PXDNL: variants seen among roughly 807,000 people sequenced by gnomAD.
PXDNL encodes probable oxidoreductase PXDNL.
A neutral mutation model predicts 150.8 loss-of-function variants in PXDNL; 145 were observed. That is an observed-to-expected ratio of 0.96 (90% CI 0.84 to 1.10). PXDNL has a LOEUF of 1.10. Among genes scored for constraint, PXDNL ranks in the 50% least tolerant of loss-of-function variants. PXDNL has a pLI of 0.00. For synonymous variants in PXDNL, 757 were observed against 725.7 expected, an observed-to-expected ratio of 1.04 and a Z score of -0.69; for missense variants, 2,087 against 1,873.9, an observed-to-expected ratio of 1.11 and a Z score of -2.10.
At chr8:51,448,587 C>G (rs1383539080) in intron 11 of PXDNL, among the ~76,000 whole-genome samples, 1 of 152,054 alleles carries the variant, frequency 6.6e-6, no homozygotes, top group Non-Finnish European at 1.5e-5. Context: ...CACCTGTAGT[C>G]CCAGCTACAG....
At chr8:51,550,405 C>T (rs1432916907) in intron 4 of PXDNL, among the ~76,000 whole-genome samples, 1 of 151,982 alleles carries the variant, frequency 6.6e-6, no homozygotes, top group African/African-American at 2.4e-5. Context: ...GACCAATGTC[C>T]CTGATGAAAA....
chr8:51,801,551 C>T lies in PXDNL; in HGVS notation c.164+7630G>A, dbSNP rs575252964. Among the ~76,000 whole-genome samples, 12 of 152,276 alleles carry T rather than the reference C, an allele frequency of 7.9e-5. 1 individual carries two copies. In the South Asian group the frequency reaches 2.1e-3, roughly 26 times the overall value. On this transcript the variant is annotated intron_variant, in intron 1 of 22. Coordinates refer to ENST00000356297, the MANE Select transcript of PXDNL (RefSeq NM_144651.5). ...ACCTACTGATATGTGATGTCACCCC[C>T]GGAGGCCCAGCTGTAAAATTCCTCT...
rs777986365 is a variant in PXDNL, at chr8:51,735,526, GTTTTTTTT to G, written c.164+73647_164+73654del. Among the ~76,000 whole-genome samples, 8 of 41,056 alleles carry G rather than the reference GTTTTTTTT, an allele frequency of 1.9e-4. 1 individual carries two copies. The highest frequency in any genetic ancestry group is 1.5e-3 in the East Asian group (4 of 2,722). The allele number at this position is 41,056 out of a possible 152,430, so 26.9% of individuals were successfully genotyped here. A position where few individuals can be genotyped will look rare whatever the true frequency, so the allele number is the denominator to read the frequency against. The stretch of plus-strand genomic sequence containing the variant: ...AAAATTAATTAATTAATTAAAAATT[GTTTTTTTT>G]TTTTTTTTTTTTTTTTTTTTTTTTT... On this transcript the variant is annotated intron_variant, in intron 1 of 22. Transcript: ENST00000356297.
chr8:51,570,583 T>C (rs1448527707), intron 3 of PXDNL, among the ~76,000 whole-genome samples: 1 of 151,936 alleles, frequency 6.6e-6, no homozygotes, highest in Non-Finnish European at 1.5e-5. Flanking sequence ...TTCCTAATAA[T>C]GGCTTCAGCA....
chr8:51,491,575 C>T (rs1810896300), intron 5 of PXDNL, among the ~76,000 whole-genome samples: 1 of 152,178 alleles, frequency 6.6e-6, no homozygotes, highest in African/African-American at 2.4e-5. Flanking sequence ...TAAGAAGTCC[C>T]TTCTATAAAG....
intron 4 of PXDNL, among the ~76,000 whole-genome samples, chr8:51,548,195 T>C (rs1046265269): frequency 6.6e-6 from 1 of 152,040 alleles, no homozygotes; most frequent in Non-Finnish European, 1.5e-5. Context: ...TTTTGGATTA[T>C]GTTAAACAAC....
chr8:51,435,879 A>C (rs1809392781), intron 12 of PXDNL: 5 of 469,756 alleles, frequency 1.1e-5, no homozygotes, highest in Non-Finnish European at 2.1e-5. Flanking sequence ...TAAAGCAGAT[A>C]CTAAAATGGA....
chr8:51,778,171 A>T (rs976018124), intron 1 of PXDNL, among the ~76,000 whole-genome samples: 10 of 150,944 alleles, frequency 6.6e-5, no homozygotes, highest in Admixed American at 2.0e-4. Flanking sequence ...CCCTACTAAA[A>T]ATGAAGCTGA....
intron 4 of PXDNL, among the ~76,000 whole-genome samples, chr8:51,533,011 G>A (rs1239335263): frequency 1.3e-5 from 2 of 152,080 alleles, no homozygotes; most frequent in African/African-American, 4.8e-5. Context: ...AAAAAGTGTG[G>A]CCTCCTGACA....
Position 51,453,605 on chromosome 8 carries a change from AT to A in PXDNL, c.1162del (p.Ile388SerfsTer26), listed in dbSNP as rs1327428354. The A allele has an allele frequency of 6.2e-7, 1 of 1,614,020 alleles. No homozygotes were observed. Among genetic ancestry groups the A allele is most frequent in the South Asian group, 1.1e-5 (1 of 91,082 alleles). On this transcript the variant is annotated frameshift_variant, in exon 10 of 23. Coordinates refer to ENST00000356297, the MANE Select transcript of PXDNL (RefSeq NM_144651.5). LOFTEE classifies it high-confidence loss of function. Reference protein sequence around the residue: ...ATSSGLYLQNITQRDHGRFTC... With the variant: ...ATSSGLYLQNXTQRDHGRFTC... ...AAATCGACCATGATCCCGTTGTGTGATGTTCTGTAAGTAAAGTCCACTGGAC... is the reference window on the plus strand; with the variant it reads ...AAATCGACCATGATCCCGTTGTGTGAGTTCTGTAAGTAAAGTCCACTGGAC...
intron 1 of PXDNL, among the ~76,000 whole-genome samples, chr8:51,774,527 T>C (rs753574021): frequency 6.6e-6 from 1 of 152,078 alleles, no homozygotes; most frequent in South Asian, 2.1e-4. Context: ...CTTAAAAAGG[T>C]AAATTAGGGG....
intron 4 of PXDNL, among the ~76,000 whole-genome samples, chr8:51,531,358 C>A (rs945778990): frequency 2.6e-5 from 4 of 152,198 alleles, no homozygotes; most frequent in Admixed American, 6.5e-5. Flanking sequence ...TCTTATTAAA[C>A]CTGTTCTATT....
At chr8:51,661,279 G>A (rs938277323) in intron 1 of PXDNL, among the ~76,000 whole-genome samples, 2 of 152,126 alleles carry the variant, frequency 1.3e-5, no homozygotes, top group Admixed American at 1.3e-4. Flanking sequence ...GCCATCTTCC[G>A]CTGTTGATTG....
chr8:51,453,114 C>T (rs536168175), intron 10 of PXDNL, among the ~76,000 whole-genome samples: 4 of 152,236 alleles, frequency 2.6e-5, no homozygotes, highest in Non-Finnish European at 4.4e-5. Flanking sequence ...AGTCTGGCCT[C>T]GTAGGAGCCT....
chr8:51,434,214 C>A (rs559536192), intron 12 of PXDNL, among the ~76,000 whole-genome samples: 3 of 152,266 alleles, frequency 2.0e-5, no homozygotes, highest in African/African-American at 4.8e-5. Flanking sequence ...TCGATTCCAG[C>A]GTCTTTTGGC....
chr8:51,489,468 A>G (rs1245124910), intron 5 of PXDNL, among the ~76,000 whole-genome samples: 1 of 152,164 alleles, frequency 6.6e-6, no homozygotes, highest in Non-Finnish European at 1.5e-5. Flanking sequence ...GGTGCCTGCC[A>G]TCATGCTCAG....
At chr8:51,654,004 A>G (rs909049560) in intron 2 of PXDNL, among the ~76,000 whole-genome samples, 1 of 152,174 alleles carries the variant, frequency 6.6e-6, no homozygotes, top group Non-Finnish European at 1.5e-5. Flanking sequence ...TATTACAGAC[A>G]TATTACAGTT....
At chr8:51,788,165 G>A (rs1453868448) in intron 1 of PXDNL, among the ~76,000 whole-genome samples, 2 of 152,208 alleles carry the variant, frequency 1.3e-5, no homozygotes, top group African/African-American at 4.8e-5. Context: ...TCACTTTTAT[G>A]CGATATTAGC....
At chr8:51,563,160 C>A (rs1178707556) in intron 3 of PXDNL, among the ~76,000 whole-genome samples, 1 of 151,968 alleles carries the variant, frequency 6.6e-6, no homozygotes, top group Non-Finnish European at 1.5e-5. Flanking sequence ...GCCTGGGCAG[C>A]CATCTTAGCC....
Sources: allele counts gnomAD v4.1 joint callset (sites outside exome capture counted in the v4.1 genomes callset), GRCh38; gene constraint gnomAD v4.1.1; transcripts MANE v1.5; gene names NCBI Gene and HGNC (gene_info 2026-07-23, HGNC 2026-07-21).